The following SOX6 variants were observed in gnomAD, a reference collection of about 807,000 sequenced individuals.
The protein encoded by SOX6 is transcription factor SOX-6.
A neutral mutation model predicts 97.8 loss-of-function variants in SOX6; 11 were observed. The observed-to-expected ratio is 0.11, with a 90% CI of 0.07 to 0.19. The LOEUF (loss-of-function observed/expected upper bound fraction) is 0.19, where lower values mean the gene tolerates loss of function less well. Ranked by LOEUF, SOX6 falls within the 10% of genes least tolerant of loss-of-function variation. SOX6 has a pLI of 1.00. For missense variants in SOX6, 810 were observed against 1,039.5 expected, an observed-to-expected ratio of 0.78 and a Z score of 3.04; for synonymous variants, 360 against 371.4, an observed-to-expected ratio of 0.97 and a Z score of 0.35.
chr11:16,228,641 T>C (rs1367356460), intron 4 of SOX6, among the ~76,000 whole-genome samples: 1 of 152,166 alleles, frequency 6.6e-6, no homozygotes, highest in African/African-American at 2.4e-5. Flanking sequence ...GTAAATCTGC[T>C]AGGAGAGTAT....
intron 14 of SOX6, among the ~76,000 whole-genome samples, chr11:15,988,788 T>G (rs1853945949): frequency 6.6e-6 from 1 of 152,222 alleles, no homozygotes; most frequent in African/African-American, 2.4e-5. Context: ...CTGGTGGATA[T>G]AATAACTCCC....
At chr11:16,098,283 C>A (rs767741279) in intron 7 of SOX6, among the ~76,000 whole-genome samples, 1 of 151,792 alleles carries the variant, frequency 6.6e-6, no homozygotes, top group African/African-American at 2.4e-5. Context: ...TCTGGATTAA[C>A]CTCTGGTACT....
intron 3 of SOX6, among the ~76,000 whole-genome samples, chr11:16,295,676 G>A (rs1206715790): frequency 1.3e-5 from 2 of 152,014 alleles, no homozygotes; most frequent in Non-Finnish European, 2.9e-5. Context: ...CATCCCTGAA[G>A]ATAAAGTAAA....
intron 1 of SOX6, among the ~76,000 whole-genome samples, chr11:16,400,147 C>A (rs1858512209): frequency 6.6e-6 from 1 of 151,342 alleles, no homozygotes; most frequent in Admixed American, 6.6e-5. Flanking sequence ...CAAAAACAGT[C>A]AAAAATTACC....
intron 1 of SOX6, among the ~76,000 whole-genome samples, chr11:16,451,517 A>C (rs1234867010): frequency 2.6e-5 from 4 of 152,134 alleles, no homozygotes; most frequent in African/African-American, 9.7e-5. Flanking sequence ...TAATGTGTAC[A>C]TGTTACTTAC....
chr11:16,241,161 G>A (rs1853184403), intron 3 of SOX6, among the ~76,000 whole-genome samples: 1 of 151,954 alleles, frequency 6.6e-6, no homozygotes, highest in South Asian at 2.1e-4. Context: ...TGAATTAAAA[G>A]CTCTCCTTTT....
At chr11:16,703,093 T>C (rs535281608) in intron 3 of SOX6, among the ~76,000 whole-genome samples, 1 of 151,992 alleles carries the variant, frequency 6.6e-6, no homozygotes, top group South Asian at 2.1e-4. Context: ...AAAATGTATC[T>C]TATATGTTTG....
intron 11 of SOX6, among the ~76,000 whole-genome samples, chr11:16,047,125 C>T (rs1855857455): frequency 1.3e-5 from 2 of 152,016 alleles, no homozygotes; most frequent in African/African-American, 2.4e-5. Flanking sequence ...ATTATAGTTG[C>T]TGTGATAATA....
At chr11:16,692,134 C>T (rs1369773730) in intron 3 of SOX6, among the ~76,000 whole-genome samples, 6 of 151,322 alleles carry the variant, frequency 4.0e-5, no homozygotes, top group East Asian at 3.9e-4. Context: ...CAGGCAGTGG[C>T]GTGATCTCGG....
chr11:16,533,294 CT>C (rs1353251650), intron 4 of SOX6, among the ~76,000 whole-genome samples: 1 of 151,668 alleles, frequency 6.6e-6, no homozygotes, highest in Non-Finnish European at 1.5e-5. Flanking sequence ...ATAATTTAGT[CT>C]ATGAAGCTGG....
intron 6 of SOX6, among the ~76,000 whole-genome samples, chr11:16,145,363 A>T (rs1379675904): frequency 6.6e-6 from 1 of 152,166 alleles, no homozygotes; most frequent in Non-Finnish European, 1.5e-5. Context: ...AAATAATAAG[A>T]GCTATTTATG....
chr11:16,670,098 G>C (rs1590046063), intron 3 of SOX6, among the ~76,000 whole-genome samples: 1 of 152,060 alleles, frequency 6.6e-6, no homozygotes, highest in Non-Finnish European at 1.5e-5. Flanking sequence ...ACACAAAGCA[G>C]CTGCCACACC....
chr11:16,722,868 G>T (rs1848277653), intron 2 of SOX6, among the ~76,000 whole-genome samples: 1 of 152,142 alleles, frequency 6.6e-6, no homozygotes, highest in Admixed American at 6.5e-5. Flanking sequence ...ACACCCACAT[G>T]CTGCTGGTGG....
chr11:16,397,533 C>T (rs1352791088), intron 1 of SOX6: 1 of 151,924 alleles, frequency 6.6e-6, no homozygotes, highest in Non-Finnish European at 1.5e-5. Flanking sequence ...TAAGTAAAAG[C>T]ATATTTCTTC....
At chr11:16,511,066 T>C (rs1322566466) in intron 4 of SOX6, among the ~76,000 whole-genome samples, 1 of 152,184 alleles carries the variant, frequency 6.6e-6, no homozygotes, top group Non-Finnish European at 1.5e-5. Context: ...CAAGGAAATA[T>C]ATATAAACAT....
intron 4 of SOX6, among the ~76,000 whole-genome samples, chr11:16,569,868 C>CAAAAAAAAAAAAAAAAAAAAAAAAAAA (rs34604334): frequency 4.4e-4 from 37 of 84,770 alleles, no homozygotes; most frequent in Middle Eastern, 6.8e-3. Flanking sequence ...GACTCCGTCT[C>CAAAAAAAAAAAAAAAAAAAAAAAAAAA]AAAAAAAAAA....
intron 2 of SOX6, among the ~76,000 whole-genome samples, chr11:16,727,963 C>T (rs1316074352): frequency 1.3e-5 from 2 of 151,978 alleles, no homozygotes; most frequent in Admixed American, 1.3e-4. Context: ...ACTTTGTGGC[C>T]AGAACAGAAG....
At chr11:16,681,566 A>G (rs2134030020) in intron 3 of SOX6, among the ~76,000 whole-genome samples, 1 of 152,328 alleles carries the variant, frequency 6.6e-6, no homozygotes, top group South Asian at 2.1e-4. Context: ...AAGCAAGAGC[A>G]AACAAATTCA....
intron 6 of SOX6, among the ~76,000 whole-genome samples, chr11:16,143,054 T>A (rs1296448808): frequency 6.6e-6 from 1 of 152,086 alleles, no homozygotes; most frequent in Non-Finnish European, 1.5e-5. Context: ...AATTGTCAGA[T>A]TCACCGAAGT....
Sources: gnomAD v4.1 joint callset for allele counts (sites outside exome capture counted in the v4.1 genomes callset) on GRCh38, gnomAD v4.1.1 for gene constraint, MANE v1.5 for transcripts, NCBI Gene and HGNC (gene_info 2026-07-23, HGNC 2026-07-21) for gene names.